The following PRKN variants were observed in gnomAD, a reference collection of about 807,000 sequenced individuals.
The protein encoded by PRKN is E3 ubiquitin-protein ligase parkin.
A neutral mutation model predicts 59.5 loss-of-function variants in PRKN; 56 were observed. The ratio of observed to expected loss-of-function variants is 0.94; its 90% CI spans 0.76 to 1.18. The LOEUF (loss-of-function observed/expected upper bound fraction) is 1.18. Ranked by LOEUF, PRKN falls within the 50% of genes most tolerant of loss-of-function variation. The probability of loss-of-function intolerance (pLI) is 0.00; values close to 1 mark genes in which losing one functional copy is unlikely to be tolerated. For missense variants in PRKN, 657 were observed against 596.4 expected (o/e 1.10, Z -1.06); for synonymous variants, 250 against 222.1 (o/e 1.13, Z -1.12).
At chr6:161,904,177 T>C (rs1213712517) in intron 6 of PRKN, among the ~76,000 whole-genome samples, 3 of 151,806 alleles carry the variant, frequency 2.0e-5, no homozygotes, top group African/African-American at 7.3e-5. Flanking sequence ...AATTAAAAAA[T>C]AATAAGTTAA....
chr6:161,550,723 A>ATGTG lies in PRKN; in HGVS notation c.934-1724_934-1721dup, dbSNP rs543930062. 3.3e-5 allele frequency among the ~76,000 whole-genome samples: 4 copies of ATGTG among 119,466 alleles called. No individual in the cohort carries two copies. The highest frequency in any genetic ancestry group is 6.3e-5 in the African/African-American group (2 of 31,664). 78.4% of individuals were successfully genotyped at this position (119,466 alleles called of 152,430 possible). A position where few individuals can be genotyped will look rare whatever the true frequency, so the allele number is the denominator to read the frequency against. ...GGACAACTGTGGTAGAAGAAAGGGT[A>ATGTG]TGTGTGTGTGTGCACGTGTGTGTGT... On this transcript the variant is annotated intron_variant, in intron 8 of 11. Coordinates refer to ENST00000366898, the MANE Select transcript of PRKN (RefSeq NM_004562.3). The surrounding 1 kb of genome is among the most constrained non-coding windows in gnomAD (Gnocchi z 4.0).
At chr6:161,945,779 A>C (rs1019127754) in intron 6 of PRKN, among the ~76,000 whole-genome samples, 2 of 152,216 alleles carry the variant, frequency 1.3e-5, no homozygotes, top group African/African-American at 4.8e-5. Flanking sequence ...TCTTGAAGCT[A>C]GACATGACAG....
In PRKN at chr6:161,362,841, A is replaced by G. The variant is rs537731933; in HGVS notation, c.1168-2636T>C. On this transcript the variant is annotated intron_variant, in intron 10 of 11. Transcript: ENST00000366898. The surrounding 1 kb of genome is among the most constrained non-coding windows in gnomAD (Gnocchi z 5.2). The stretch of plus-strand genomic sequence containing the variant: ...AATCTGGGATCATAATAAAAAAGTT[A>G]AAAAGTCACCTAATACAGGAGAAAA... Among the ~76,000 whole-genome samples, 44 of 152,394 alleles carry G rather than the reference A, an allele frequency of 2.9e-4. No individual in the cohort carries two copies. The highest frequency in any genetic ancestry group is 9.6e-4 in the African/African-American group (40 of 41,594).
intron 2 of PRKN, among the ~76,000 whole-genome samples, chr6:162,389,450 T>C (rs968907025): frequency 2.0e-5 from 3 of 152,146 alleles, no homozygotes; most frequent in Non-Finnish European, 4.4e-5. Flanking sequence ...CAAACAATGA[T>C]TAAAAGAAAT....
chr6:162,562,279 G>A (rs1259142380), intron 1 of PRKN, among the ~76,000 whole-genome samples: 1 of 152,152 alleles, frequency 6.6e-6, no homozygotes, highest in Non-Finnish European at 1.5e-5. Flanking sequence ...CTTGGGTCAC[G>A]AATAACCAGC....
intron 4 of PRKN, among the ~76,000 whole-genome samples, chr6:162,113,644 C>T (rs1780539677): frequency 6.6e-6 from 1 of 152,174 alleles, no homozygotes; most frequent in African/African-American, 2.4e-5. Context: ...ACTCCTTTTG[C>T]TTAAAATTTT....
intron 4 of PRKN, among the ~76,000 whole-genome samples, chr6:162,124,500 T>A (rs958358745): frequency 6.6e-6 from 1 of 152,146 alleles, no homozygotes; most frequent in Non-Finnish European, 1.5e-5. Flanking sequence ...GAAAAGCCCA[T>A]TGAGCTGGAA....
rs190155489 is a variant in PRKN at position 162,649,726 on chromosome 6, A to G, written c.7+77936T>C. Among the ~76,000 whole-genome samples the G allele has an allele frequency of 7.0e-4, 107 of 152,332 alleles. 3 individuals carry two copies. In the Middle Eastern group the frequency reaches 0.044, roughly 63 times the overall value. On this transcript the variant is annotated intron_variant, in intron 1 of 11. Transcript: ENST00000366898. ...CATTTAGAAATCCATCTAATGTGAG[A>G]ACTAATGATACACATATGTACAGCA...
intron 6 of PRKN, among the ~76,000 whole-genome samples, chr6:161,904,308 GGTTTTTTT>G (rs1257210542): frequency 1.7e-5 from 2 of 114,436 alleles, no homozygotes; most frequent in African/African-American, 3.6e-5. Flanking sequence ...GAATTTGTGG[GGTTTTTTT>G]TTTTTTTTTT....
intron 1 of PRKN, among the ~76,000 whole-genome samples, chr6:162,647,166 T>C (rs1041980936): frequency 1.3e-5 from 2 of 151,988 alleles, no homozygotes; most frequent in Non-Finnish European, 2.9e-5. Flanking sequence ...AGAGAAAGAA[T>C]AATAATATAA....
chr6:162,553,557 A>AC (rs1779417415), intron 1 of PRKN, among the ~76,000 whole-genome samples: 1 of 138,668 alleles, frequency 7.2e-6, no homozygotes, highest in Non-Finnish European at 1.6e-5. Flanking sequence ...AAAAAAAAAA[A>AC]CACCCTAAAG....
intron 1 of PRKN, among the ~76,000 whole-genome samples, chr6:162,570,955 T>C (rs1157504942): frequency 6.6e-6 from 1 of 152,202 alleles, no homozygotes; most frequent in Admixed American, 6.5e-5. Context: ...TGTTTGTAAC[T>C]CAAAGGATAA....
rs935348919 is a variant in PRKN at position 161,452,127 on chromosome 6, T to C, written c.1084-65250A>G. On this transcript the variant is annotated intron_variant, in intron 9 of 11. Coordinates refer to ENST00000366898, the MANE Select transcript of PRKN (RefSeq NM_004562.3). ...CACCACCACACCCAGCTAATTTTTG[T>C]ATTTTTAGTAGAGATGGTCTTTCAC... is the stretch of plus-strand genomic sequence containing the variant. Among the ~76,000 whole-genome samples, 23 of 151,948 alleles carry C rather than the reference T, an allele frequency of 1.5e-4. 1 individual carries two copies. Among genetic ancestry groups the C allele is most frequent in the African/African-American group, 5.6e-4 (23 of 41,364 alleles).
chr6:162,690,063 G>C (rs1777717153), intron 1 of PRKN, among the ~76,000 whole-genome samples: 1 of 38,708 alleles, frequency 2.6e-5, no homozygotes, highest in Non-Finnish European at 5.4e-5. Flanking sequence ...TTATTTTCTT[G>C]AAGATATATT....
chr6:162,601,988 A>G (rs1317601758), intron 1 of PRKN, among the ~76,000 whole-genome samples: 1 of 152,194 alleles, frequency 6.6e-6, no homozygotes. Flanking sequence ...TGTGCCAAGG[A>G]TTGGGAGTAC....
At chr6:161,775,414 TA>T (rs113904829) in intron 7 of PRKN, among the ~76,000 whole-genome samples, 6,501 of 152,080 alleles carry the variant, frequency 0.043, 455 homozygotes, top group African/African-American at 0.14. Flanking sequence ...ACCTAATTTT[TA>T]AATTTTTTGT....
At chr6:162,418,783 T>C (rs913815683) in intron 2 of PRKN, among the ~76,000 whole-genome samples, 2 of 151,660 alleles carry the variant, frequency 1.3e-5, no homozygotes, top group African/African-American at 4.8e-5. Flanking sequence ...CCCAGGGCAC[T>C]CCTGCCTGCA....
At chr6:162,201,050 A>G (rs1784707861) in intron 4 of PRKN, 81 bp downstream of exon 4, 8 of 1,429,798 alleles carry the variant, frequency 5.6e-6, no homozygotes, top group Non-Finnish European at 7.9e-6. Context: ...CGGGTGATAC[A>G]TCATTAGAAA....
At chr6:161,493,542 G>T (rs1021906306) in intron 9 of PRKN, among the ~76,000 whole-genome samples, 1 of 152,220 alleles carries the variant, frequency 6.6e-6, no homozygotes, top group African/African-American at 2.4e-5. Context: ...CTGATGGATA[G>T]ATGGACGAAC....
Sources: allele counts gnomAD v4.1 joint callset (sites outside exome capture counted in the v4.1 genomes callset), GRCh38; gene constraint gnomAD v4.1.1; non-coding constraint Gnocchi (gnomAD v3.1); transcripts MANE v1.5; gene names NCBI Gene and HGNC (gene_info 2026-07-23, HGNC 2026-07-21).